PDK3: variants seen among roughly 807,000 people sequenced by gnomAD.
PDK3 encodes the protein pyruvate dehydrogenase kinase, isozyme 3.
PDK3 carries 12 observed loss-of-function variants against 32.0 expected under a neutral mutation model. The observed-to-expected ratio is 0.37, with a 90% confidence interval of 0.24 to 0.61. PDK3 has a LOEUF of 0.61. Among genes scored for constraint, PDK3 ranks in the 20% least tolerant of loss-of-function variants. The probability of loss-of-function intolerance (pLI) is 0.65; values close to 1 mark genes in which losing one functional copy is unlikely to be tolerated. For missense variants in PDK3, 188 were observed against 316.9 expected, an observed-to-expected ratio of 0.59 and a Z score of 3.09; for synonymous variants, 122 against 116.3, an observed-to-expected ratio of 1.05 and a Z score of -0.31.
At chrX:24,518,601 T>C (rs1316835854) in intron 5 of PDK3, among the ~76,000 whole-genome samples, 1 of 112,243 alleles carries the variant, frequency 8.9e-6, no homozygotes, top group Non-Finnish European at 1.9e-5. Flanking sequence ...GGAGGACTGC[T>C]TGAGCCCAGG....
Position 24,518,926 on chromosome X carries a change from C to T in PDK3, c.596-7C>T, listed in dbSNP as rs761112580. 18 of 1,173,492 alleles carry T rather than the reference C, an allele frequency of 1.5e-5. No homozygotes were observed. Among genetic ancestry groups the T allele is most frequent in the South Asian group, 7.5e-5 (4 of 53,273 alleles). On this transcript the variant is annotated splice_polypyrimidine_tract_variant and splice_region_variant and intron_variant, in intron 5 of 10. Coordinates refer to ENST00000379162, the MANE Select transcript of PDK3 (RefSeq NM_005391.5). ...TACAGCAGCTAAACTTTTTCCTTTT[C>T]TTGCAGATGCATATGAAACAGCCAA... is the stretch of plus-strand genomic sequence containing the variant.
At chrX:24,532,173 G>A (rs990582088) in intron 10 of PDK3, among the ~76,000 whole-genome samples, 6 of 110,872 alleles carry the variant, frequency 5.4e-5, no homozygotes, top group African/African-American at 2.0e-4. Context: ...GGCTGAGGCA[G>A]GAGAGTCATT....
chrX:24,501,082 G>A (rs919437444), intron 3 of PDK3, among the ~76,000 whole-genome samples: 1 of 110,921 alleles, frequency 9.0e-6, no homozygotes. Context: ...GAAATATTTC[G>A]TCAAATATTT....
At position 24,503,323 on chromosome X, in the gene PDK3, A is replaced by T; in HGVS notation, c.321-4A>T. 2.5e-6 allele frequency: 3 copies of T among 1,193,202 alleles called. No individual in the cohort carries two copies. Among genetic ancestry groups the T allele is most frequent in the Non-Finnish European group, 3.4e-6 (3 of 885,310 alleles). On this transcript the variant is annotated splice_region_variant and splice_polypyrimidine_tract_variant and intron_variant, in intron 3 of 10. Coordinates refer to ENST00000379162, the MANE Select transcript of PDK3 (RefSeq NM_005391.5). ...TGACCACGTTTTGTTTCCCTCTCACACAGCTTTCTACAAGTTCTGATTAAA... is the reference window on the plus strand; with the variant it reads ...TGACCACGTTTTGTTTCCCTCTCACTCAGCTTTCTACAAGTTCTGATTAAA...
At chrX:24,522,314 T>C (rs770047541) in intron 6 of PDK3, among the ~76,000 whole-genome samples, 2 of 111,205 alleles carry the variant, frequency 1.8e-5, no homozygotes, top group Non-Finnish European at 3.8e-5. Flanking sequence ...GACCCAGAAC[T>C]AGGAAAGAGT....
At chrX:24,543,921 G>GT (rs1385052306) in exon 12 of PDK3, among the ~76,000 whole-genome samples, 1 of 110,984 alleles carries the variant, frequency 9.0e-6, no homozygotes, top group Admixed American at 9.6e-5. Flanking sequence ...TTCTTGTATT[G>GT]TTTTGCTTTT....
intron 6 of PDK3, among the ~76,000 whole-genome samples, chrX:24,525,063 A>G (rs1358158904): frequency 9.0e-6 from 1 of 111,600 alleles, no homozygotes; most frequent in African/African-American, 3.3e-5. Context: ...AGGCCGAGGC[A>G]GGAGAATCGC....
intron 8 of PDK3, 84 bp from the exon 9 acceptor site, chrX:24,527,992 G>A: frequency 1.8e-6 from 1 of 543,327 alleles, no homozygotes; most frequent in South Asian, 2.8e-5. Context: ...AATCTGCTAT[G>A]TACTTTATTT....
exon 12 of PDK3, among the ~76,000 whole-genome samples, chrX:24,540,804 G>A (rs945806433): frequency 9.6e-5 from 10 of 103,953 alleles, no homozygotes; most frequent in African/African-American, 3.6e-4. Flanking sequence ...TGGGGATGGG[G>A]CTGTTCCATA....
chrX:24,512,384 C>T (rs780007660), intron 5 of PDK3, among the ~76,000 whole-genome samples: 13 of 111,958 alleles, frequency 1.2e-4, no homozygotes, highest in Non-Finnish European at 2.1e-4. Flanking sequence ...CCTCAGAGCG[C>T]GTGGCATTAT....
At chrX:24,500,254 A>G (rs1921821496) in intron 3 of PDK3, among the ~76,000 whole-genome samples, 1 of 112,006 alleles carries the variant, frequency 8.9e-6, no homozygotes, top group South Asian at 3.7e-4. Context: ...CAGTCTATCA[A>G]CTGTTTACAT....
Position 24,465,334 on chromosome X carries a change from C to G in PDK3, c.-122C>G. 2.3e-6 allele frequency: 1 copy of G among 432,949 alleles called. No homozygotes were observed. The highest frequency in any genetic ancestry group is 3.6e-6 in the Non-Finnish European group (1 of 275,098). The allele number at this position is 432,949 out of a possible 1,213,427, so 35.7% of individuals were successfully genotyped here. On this transcript the variant is annotated 5_prime_UTR_variant, in exon 1 of 11. Coordinates refer to ENST00000379162, the MANE Select transcript of PDK3 (RefSeq NM_005391.5). ...GCTGCGGCGGCTGCACCGGCGGCGC[C>G]GAGGCCGAGATCGAGGCCGGGGTGC...
Position 24,527,594 on chromosome X carries a change from T to G in PDK3, c.771T>G (p.Val257=). The change falls in exon 8 of 11, where the codon GTT becomes GTG. Residue 257 remains valine, a synonymous_variant. Coordinates refer to ENST00000379162, the MANE Select transcript of PDK3 (RefSeq NM_005391.5). ...TTTAGAACTCAATGAGAGCGACAGT[T>G]GAACTCTATGAAGACAGAAAAGAGG... ...ELFKNSMRAT[V]ELYEDRKEGY... The G allele has an allele frequency of 1.7e-6, 2 of 1,173,259 alleles. No individual in the cohort carries two copies. The highest frequency in any genetic ancestry group is 3.5e-5 in the African/African-American group (2 of 56,922).
Position 24,503,530 on chromosome X carries a change from G to C in PDK3, c.505+19G>C. The C allele has an allele frequency of 9.2e-7, 1 of 1,081,269 alleles. No individual in the cohort carries two copies. Among genetic ancestry groups the C allele is most frequent in the East Asian group, 3.3e-5 (1 of 30,274 alleles). The allele number at this position is 1,081,269 out of a possible 1,213,427, so 89.1% of individuals were successfully genotyped here. On this transcript the variant is annotated intron_variant, in intron 4 of 10. Transcript: ENST00000379162. Reference sequence around the variant, plus strand: ...CAGCACAGTAAGTTGGAGTTTGTTGGTCCAGTTTTGAAAAGGTAACCATAG... The same window carrying C: ...CAGCACAGTAAGTTGGAGTTTGTTGCTCCAGTTTTGAAAAGGTAACCATAG...
At chrX:24,523,211 G>A (rs1922439966) in intron 6 of PDK3, among the ~76,000 whole-genome samples, 2 of 111,896 alleles carry the variant, frequency 1.8e-5, no homozygotes, top group African/African-American at 6.5e-5. Context: ...GCTCTCTGGA[G>A]TTTCTTTAAA....
At chrX:24,531,596 T>C (rs1040904572) in intron 9 of PDK3, 61 bp from the exon 10 acceptor site, 38 of 584,478 alleles carry the variant, frequency 6.5e-5, no homozygotes, top group Non-Finnish European at 8.7e-6. Flanking sequence ...TGAATGGTCA[T>C]CATATAAAAT....
intron 5 of PDK3, among the ~76,000 whole-genome samples, chrX:24,511,462 G>A (rs1752251808): frequency 8.9e-6 from 1 of 111,905 alleles, no homozygotes; most frequent in African/African-American, 3.3e-5. Flanking sequence ...ATCCTACATG[G>A]TTTAAGCATA....
intron 4 of PDK3, 54 bp from the exon 5 acceptor site, chrX:24,505,155 C>T: frequency 1.1e-6 from 1 of 877,641 alleles, no homozygotes; most frequent in East Asian, 3.2e-5. Flanking sequence ...CCCTGTGTGA[C>T]CATCCCAGCC....
intron 1 of PDK3, among the ~76,000 whole-genome samples, chrX:24,487,753 C>T (rs188638558): frequency 6.4e-5 from 7 of 109,552 alleles, no homozygotes; most frequent in Middle Eastern, 4.7e-3. Context: ...CAAACCACCC[C>T]CCAACCCCCA....
Sources: allele counts gnomAD v4.1 joint callset (sites outside exome capture counted in the v4.1 genomes callset), GRCh38; gene constraint gnomAD v4.1.1; transcripts MANE v1.5; gene names NCBI Gene and HGNC (gene_info 2026-07-23, HGNC 2026-07-21).